Variants in KDM1B observed in about 807,000 individuals in gnomAD.
KDM1B encodes lysine-specific histone demethylase 2.
KDM1B carries 63 observed loss-of-function variants against 107.4 expected under a neutral mutation model. That is an observed-to-expected ratio of 0.59 (90% CI 0.48 to 0.72). The LOEUF is 0.72. Among genes scored for constraint, KDM1B ranks in the 30% least tolerant of loss-of-function variants. KDM1B has a pLI of 0.00. For synonymous variants in KDM1B, 363 were observed against 363.9 expected (o/e 1.00, Z 0.03); for missense variants, 749 against 1,020.8 (o/e 0.73, Z 3.63).
In KDM1B at chr6:18,200,328, A is replaced by G. The variant is rs529799657; in HGVS notation, c.1222-111A>G. ...AAGTTGTTTTTTTAGAAATATTTGG[A>G]ATTAACCAAATATAGAGGCTATTTA... is the stretch of plus-strand genomic sequence containing the variant. On this transcript the variant is annotated intron_variant, in intron 12 of 21. Transcript: ENST00000650836. The surrounding 1 kb of genome is among the most constrained non-coding windows in gnomAD (Gnocchi z 4.3). The G allele has an allele frequency of 9.2e-7, 1 of 1,082,680 alleles. No individual in the cohort carries two copies. The allele number at this position is 1,082,680 out of a possible 1,614,324, so 67.1% of individuals were successfully genotyped here. A position where few individuals can be genotyped will look rare whatever the true frequency, so the allele number is the denominator to read the frequency against.
intron 12 of KDM1B, among the ~76,000 whole-genome samples, chr6:18,198,412 A>C (rs1787795580): frequency 6.6e-6 from 1 of 150,384 alleles, no homozygotes; most frequent in Admixed American, 6.6e-5. Context: ...TATTTTTGGT[A>C]GAGACGGGAT....
rs73366524 is a variant in KDM1B at position 18,214,975 on chromosome 6, C to T, written c.2110-32C>T. On this transcript the variant is annotated intron_variant, in intron 19 of 21. Transcript: ENST00000650836. The surrounding 1 kb of genome is among the most constrained non-coding windows in gnomAD (Gnocchi z 4.4). Reference sequence around the variant, plus strand: ...CTTATCTGTGGGAGCTGAGCACTCACAGACCTCCTGCTTTTCCTTTCATGT... The same window carrying T: ...CTTATCTGTGGGAGCTGAGCACTCATAGACCTCCTGCTTTTCCTTTCATGT... 2.5e-6 allele frequency: 4 copies of T among 1,610,956 alleles called. No individual in the cohort carries two copies. The highest frequency in any genetic ancestry group is 3.4e-6 in the Non-Finnish European group (4 of 1,178,504).
rs1205971109 is a variant in KDM1B at position 18,214,055 on chromosome 6, T to G, written c.2109+274T>G. 6.6e-6 allele frequency among the ~76,000 whole-genome samples: 1 copy of G among 152,138 alleles called. No homozygotes were observed. The highest frequency in any genetic ancestry group is 2.4e-5 in the African/African-American group (1 of 41,432). On this transcript the variant is annotated intron_variant, in intron 19 of 21. Coordinates refer to ENST00000650836, the MANE Select transcript of KDM1B (RefSeq NM_001364614.2). This position sits in a 1 kb window ranked among gnomAD's most constrained non-coding sequence, Gnocchi z 4.4. ...TTTCAGGCTATGGGGGAATTCCTCTTAGGTGAAGTTGGAGACATCAGAGTC... is the reference window on the plus strand; with the variant it reads ...TTTCAGGCTATGGGGGAATTCCTCTGAGGTGAAGTTGGAGACATCAGAGTC...
rs1789868931 is a variant in KDM1B, at chr6:18,222,875, C to G, written c.*883C>G. ...TTATTTAAAAGCACTGATTCAATTG[C>G]TAGGAATATTTTTGCAGATTTTTCT... On this transcript the variant is annotated 3_prime_UTR_variant, in exon 22 of 22. Transcript: ENST00000650836. 6.6e-6 allele frequency: 1 copy of G among 152,550 alleles called. No individual in the cohort carries two copies. Among genetic ancestry groups the G allele is most frequent in the African/African-American group, 2.4e-5 (1 of 41,434 alleles). The allele number at this position is 152,550 out of a possible 1,614,324, so 9.4% of individuals were successfully genotyped here.
rs1388955357 is a variant in KDM1B at position 18,222,058 on chromosome 6, C to G, written c.*66C>G. Reference sequence around the variant, plus strand: ...GAAATTTGAATCACATGTTAAACCTCAGTTTTATAAGAGGGGGAAAAAACC... The same window carrying G: ...GAAATTTGAATCACATGTTAAACCTGAGTTTTATAAGAGGGGGAAAAAACC... On this transcript the variant is annotated 3_prime_UTR_variant, in exon 22 of 22. Transcript: ENST00000650836. 8 of 1,418,756 alleles carry G rather than the reference C, an allele frequency of 5.6e-6. No homozygotes were observed. Among genetic ancestry groups the G allele is most frequent in the Non-Finnish European group, 7.0e-6 (7 of 1,002,002 alleles). The allele number at this position is 1,418,756 out of a possible 1,614,324, so 87.9% of individuals were successfully genotyped here. A position where few individuals can be genotyped will look rare whatever the true frequency, so the allele number is the denominator to read the frequency against.
chr6:18,221,434 A>G (rs1309065884), intron 21 of KDM1B, among the ~76,000 whole-genome samples: 4 of 152,102 alleles, frequency 2.6e-5, no homozygotes, highest in African/African-American at 9.7e-5. Flanking sequence ...CTCCCAATCC[A>G]ACAGCCCTCA....
intron 7 of KDM1B, among the ~76,000 whole-genome samples, chr6:18,178,703 T>C (rs1205224587): frequency 6.6e-6 from 1 of 152,190 alleles, no homozygotes; most frequent in Non-Finnish European, 1.5e-5. Flanking sequence ...TAAAATTTAT[T>C]TTTAACTCCA....
At chr6:18,220,169 C>T (rs951670958) in intron 21 of KDM1B, among the ~76,000 whole-genome samples, 7 of 152,332 alleles carry the variant, frequency 4.6e-5, no homozygotes, top group South Asian at 2.1e-4. Flanking sequence ...TGTTACCACT[C>T]TTTCACCTGT....
intron 5 of KDM1B, among the ~76,000 whole-genome samples, chr6:18,164,212 C>T (rs1785146397): frequency 6.6e-6 from 1 of 152,096 alleles, no homozygotes; most frequent in African/African-American, 2.4e-5. Context: ...ACTGTAACTT[C>T]CACCTCCTGA....
rs890624434 is a variant in KDM1B, at chr6:18,205,270, A to G, written c.1532-267A>G. Among the ~76,000 whole-genome samples, 2 of 152,162 alleles carry G rather than the reference A, an allele frequency of 1.3e-5. No individual in the cohort carries two copies. Among genetic ancestry groups the G allele is most frequent in the African/African-American group, 4.8e-5 (2 of 41,428 alleles). ...GCGAAATTGAGACGTTTCTGAAGAT[A>G]TAGAACTTACATAGCTTTGTTTCCG... On this transcript the variant is annotated intron_variant, in intron 14 of 21. Coordinates refer to ENST00000650836, the MANE Select transcript of KDM1B (RefSeq NM_001364614.2). This position sits in a 1 kb window ranked among gnomAD's most constrained non-coding sequence, Gnocchi z 5.7.
Position 18,162,750 on chromosome 6 carries a change from G to C in KDM1B, c.216-85G>C. On this transcript the variant is annotated intron_variant, in intron 4 of 21. Transcript: ENST00000650836. The surrounding 1 kb of genome is among the most constrained non-coding windows in gnomAD (Gnocchi z 4.1). ...GGAGATAATGCAAAATGGGTTCATAGATGGTGCTTGCAAGATGTTTTTTAA... is the reference window on the plus strand; with the variant it reads ...GGAGATAATGCAAAATGGGTTCATACATGGTGCTTGCAAGATGTTTTTTAA... The C allele has an allele frequency of 1.3e-6, 1 of 769,950 alleles. No homozygotes were observed. Among genetic ancestry groups the C allele is most frequent in the Non-Finnish European group, 2.3e-6 (1 of 435,684 alleles). 47.7% of individuals were successfully genotyped at this position (769,950 alleles called of 1,614,324 possible). A position where few individuals can be genotyped will look rare whatever the true frequency, so the allele number is the denominator to read the frequency against.
In KDM1B at chr6:18,213,815, C is replaced by T. The variant is rs1268182162; in HGVS notation, c.2109+34C>T. On this transcript the variant is annotated intron_variant, in intron 19 of 21. Coordinates refer to ENST00000650836, the MANE Select transcript of KDM1B (RefSeq NM_001364614.2). The surrounding 1 kb of genome is among the most constrained non-coding windows in gnomAD (Gnocchi z 5.9). The stretch of plus-strand genomic sequence containing the variant: ...ATTCGTGAACTGTGGTTTGAATTTC[C>T]GTCTTAAAGTTTAGAATTTGATGTG... 18 of 1,611,560 alleles carry T rather than the reference C, an allele frequency of 1.1e-5. No homozygotes were observed. The highest frequency in any genetic ancestry group is 5.0e-5 in the Admixed American group (3 of 59,872).
At chr6:18,166,684 A>C (rs557773413) in intron 6 of KDM1B, among the ~76,000 whole-genome samples, 36 of 151,702 alleles carry the variant, frequency 2.4e-4, no homozygotes, top group Middle Eastern at 3.4e-3. Flanking sequence ...CCATCTTTAC[A>C]AAAAAAAATT....
chr6:18,164,765 C>T (rs1271395587), intron 5 of KDM1B, among the ~76,000 whole-genome samples: 1 of 152,068 alleles, frequency 6.6e-6, no homozygotes, highest in Admixed American at 6.5e-5. Context: ...CGTGCCTCAG[C>T]CTCCTGAGTA....
chr6:18,212,465 T>G lies in KDM1B; in HGVS notation c.1867-23T>G. 1 of 1,393,852 alleles carries G rather than the reference T, an allele frequency of 7.2e-7. No homozygotes were observed. The highest frequency in any genetic ancestry group is 1.0e-6 in the Non-Finnish European group (1 of 978,948). The allele number at this position is 1,393,852 out of a possible 1,614,324, so 86.3% of individuals were successfully genotyped here. The stretch of plus-strand genomic sequence containing the variant: ...TGAGGTTCTGTTGCTGTTTGTTTGT[T>G]AACTGTTAATTATTTTCCACAGGTA... On this transcript the variant is annotated intron_variant, in intron 17 of 21. Transcript: ENST00000650836. The surrounding 1 kb of genome is among the most constrained non-coding windows in gnomAD (Gnocchi z 5.2).
At chr6:18,165,351 C>T (rs1003420894) in intron 5 of KDM1B, among the ~76,000 whole-genome samples, 5 of 151,048 alleles carry the variant, frequency 3.3e-5, no homozygotes, top group African/African-American at 7.3e-5. Flanking sequence ...AGGATGGTCT[C>T]GATCTCCTGA....
Position 18,171,367 on chromosome 6 carries a change from A to G in KDM1B, c.422A>G (p.Gln141Arg). The change falls in exon 7 of 22, where the codon CAG becomes CGG. Residue 141 changes from glutamine to arginine, a missense_variant. Transcript: ENST00000650836. ...GACTTGATACTTCCCATCTAGGTTCAGTGTACAAAACCTGAGTGTAGAAAA... is the reference window on the plus strand; with the variant it reads ...GACTTGATACTTCCCATCTAGGTTCGGTGTACAAAACCTGAGTGTAGAAAA... ...MADQQLPYWV[Q>R]CTKPECRKWR... 1.9e-6 allele frequency: 3 copies of G among 1,539,624 alleles called. No individual in the cohort carries two copies. Among genetic ancestry groups the G allele is most frequent in the South Asian group, 2.2e-5 (2 of 89,556 alleles).
chr6:18,192,337 G>A (rs777320302), intron 10 of KDM1B, among the ~76,000 whole-genome samples: 1 of 152,136 alleles, frequency 6.6e-6, no homozygotes, highest in Non-Finnish European at 1.5e-5. Flanking sequence ...TTGCGTCATT[G>A]CTGAATTCAG....
chr6:18,169,354 C>T (rs1785509644), intron 6 of KDM1B, among the ~76,000 whole-genome samples: 1 of 151,682 alleles, frequency 6.6e-6, no homozygotes, highest in South Asian at 2.1e-4. Context: ...TCTGCCTCAG[C>T]CTCCCAAGTA....
Sources: gnomAD v4.1 joint callset for allele counts (sites outside exome capture counted in the v4.1 genomes callset) on GRCh38, gnomAD v4.1.1 for gene constraint, Gnocchi (gnomAD v3.1) non-coding constraint, MANE v1.5 for transcripts, NCBI Gene and HGNC (gene_info 2026-07-23, HGNC 2026-07-21) for gene names.